Variants in RGPD2 observed in about 807,000 individuals in gnomAD.
RGPD2 encodes RANBP2-like and GRIP domain-containing protein 2.
RGPD2 carries 2 observed loss-of-function variants against 36.0 expected under a neutral mutation model. That is an observed-to-expected ratio of 0.06 (90% CI 0.02 to 0.17). RGPD2 has a LOEUF of 0.17. RGPD2 is among the 10% of genes least tolerant of loss of function. The pLI is 1.00. For synonymous variants in RGPD2, 19 were observed against 163.8 expected, an observed-to-expected ratio of 0.12 and a Z score of 6.75; for missense variants, 40 against 464.3, an observed-to-expected ratio of 0.09 and a Z score of 8.40.
At chr2:87,935,537 A>G in the RGPD2 span, among the ~76,000 whole-genome samples, 2 of 148,550 alleles carry the variant, frequency 1.3e-5, no homozygotes, top group Non-Finnish European at 3.0e-5. Context: ...TTTATTCAAC[A>G]TGTAACGGGA....
intron 20 of RGPD2, among the ~76,000 whole-genome samples, chr2:87,781,464 G>GTTTTT (rs879124297): frequency 5.3e-5 from 6 of 112,614 alleles, no homozygotes; most frequent in Non-Finnish European, 1.1e-4. Flanking sequence ...TTGTTTTTTT[G>GTTTTT]TTTTTTTTTT....
At chr2:87,809,476 G>A (rs1266090916) in intron 6 of RGPD2, among the ~76,000 whole-genome samples, 52 of 141,182 alleles carry the variant, frequency 3.7e-4, no homozygotes, top group Non-Finnish European at 5.0e-4. Context: ...AGACCATCCT[G>A]GCTAACAGGG....
chr2:87,921,247 T>C, the RGPD2 span, among the ~76,000 whole-genome samples: 1 of 152,102 alleles, frequency 6.6e-6, no homozygotes. Context: ...CAGAGGATGC[T>C]TAGCGCAGTG....
the RGPD2 span, among the ~76,000 whole-genome samples, chr2:87,961,544 T>C: frequency 1.8e-3 from 269 of 151,146 alleles, no homozygotes; most frequent in African/African-American, 6.3e-3. Flanking sequence ...CTACTAAAAA[T>C]ACAAAAAATT....
chr2:87,911,683 T>G, the RGPD2 span, among the ~76,000 whole-genome samples: 2 of 152,094 alleles, frequency 1.3e-5, no homozygotes, highest in African/African-American at 4.8e-5. Context: ...AGAAGCAAGT[T>G]AAAATAGTGT....
At chr2:87,956,381 T>A in the RGPD2 span, among the ~76,000 whole-genome samples, 1 of 151,976 alleles carries the variant, frequency 6.6e-6, no homozygotes, top group African/African-American at 2.4e-5. Flanking sequence ...ATTATACATA[T>A]ATTTTATATA....
At chr2:87,809,697 T>C (rs1397957149) in intron 6 of RGPD2, among the ~76,000 whole-genome samples, 4 of 150,800 alleles carry the variant, frequency 2.7e-5, no homozygotes, top group African/African-American at 9.7e-5. Context: ...TGAAACTGCC[T>C]AGGGTGGCAC....
chr2:87,989,077 CAT>C, the RGPD2 span: 1 of 373,808 alleles, frequency 2.7e-6, no homozygotes, highest in Non-Finnish European at 4.8e-6. Flanking sequence ...ACAATTACTT[CAT>C]GTCTTATAAA....
the RGPD2 span, among the ~76,000 whole-genome samples, chr2:87,940,067 A>G: frequency 1.3e-5 from 2 of 151,926 alleles, no homozygotes. Context: ...AGATGGCACA[A>G]CAAGTGTCCA....
chr2:87,985,756 T>C, the RGPD2 span: 18 of 1,609,190 alleles, frequency 1.1e-5, no homozygotes, highest in Admixed American at 1.7e-5. Context: ...CGGTCTGTGT[T>C]AAAACCCATC....
At chr2:87,857,544 G>A in the RGPD2 span, among the ~76,000 whole-genome samples, 142 of 150,418 alleles carry the variant, frequency 9.4e-4, no homozygotes, top group African/African-American at 2.9e-3. Context: ...GGGTTTCACC[G>A]TGTTAGCCAG....
chr2:87,984,225 A>C, the RGPD2 span, among the ~76,000 whole-genome samples: 1 of 152,164 alleles, frequency 6.6e-6, no homozygotes, highest in Non-Finnish European at 1.5e-5. Flanking sequence ...CACTGTGGTG[A>C]AATGGGCGCT....
chr2:87,973,274 C>G, the RGPD2 span, among the ~76,000 whole-genome samples: 1 of 148,390 alleles, frequency 6.7e-6, no homozygotes, highest in Non-Finnish European at 1.5e-5. Context: ...ACACCCCCCT[C>G]CTGCCGCTAT....
At chr2:87,760,774 C>T (rs1385349807) in intron 22 of RGPD2, among the ~76,000 whole-genome samples, 2 of 40,984 alleles carry the variant, frequency 4.9e-5, no homozygotes, top group African/African-American at 9.4e-5. Flanking sequence ...CCTGCCACCA[C>T]GCCCCGCTAA....
chr2:87,942,362 C>T, the RGPD2 span, among the ~76,000 whole-genome samples: 2 of 141,038 alleles, frequency 1.4e-5, no homozygotes, highest in South Asian at 4.3e-4. Flanking sequence ...AGGAAATGCA[C>T]TTCTGTGATT....
At chr2:87,988,448 A>G in the RGPD2 span, among the ~76,000 whole-genome samples, 109 of 127,824 alleles carry the variant, frequency 8.5e-4, 4 homozygotes, top group East Asian at 0.02. Flanking sequence ...TAAATATGCC[A>G]AGAATTATCT....
chr2:87,769,700 A>C (rs1441034278), intron 22 of RGPD2, among the ~76,000 whole-genome samples: 5 of 151,932 alleles, frequency 3.3e-5, no homozygotes, highest in Admixed American at 6.6e-5. Flanking sequence ...TGAAAACTTT[A>C]ATTTTAAAAT....
the RGPD2 span, among the ~76,000 whole-genome samples, chr2:87,957,585 C>T: frequency 1.3e-5 from 2 of 152,186 alleles, no homozygotes; most frequent in Admixed American, 6.5e-5. Flanking sequence ...TAAAGTCATT[C>T]ATCCCATTCA....
At chr2:87,952,338 C>A in the RGPD2 span, among the ~76,000 whole-genome samples, 1 of 151,954 alleles carries the variant, frequency 6.6e-6, no homozygotes, top group Non-Finnish European at 1.5e-5. Flanking sequence ...TGCTACATTT[C>A]ATAGAAGGTG....
Sources: allele counts gnomAD v4.1 joint callset (sites outside exome capture counted in the v4.1 genomes callset), GRCh38; gene constraint gnomAD v4.1.1; transcripts MANE v1.5; gene names NCBI Gene and HGNC (gene_info 2026-07-23, HGNC 2026-07-21).